Variants in KCNAB1 observed in about 807,000 individuals in gnomAD.
KCNAB1 encodes the protein potassium voltage-gated channel subfamily A regulatory beta subunit 1.
KCNAB1 carries 35 observed loss-of-function variants against 64.6 expected under a neutral mutation model. The ratio of observed to expected loss-of-function variants is 0.54; its 90% CI spans 0.41 to 0.72. The LOEUF is 0.72. KCNAB1 is among the 30% of genes least tolerant of loss of function. The probability of loss-of-function intolerance (pLI) is 0.00; values close to 1 mark genes in which losing one functional copy is unlikely to be tolerated. For missense variants in KCNAB1, 401 were observed against 512.9 expected, an observed-to-expected ratio of 0.78 and a Z score of 2.11; for synonymous variants, 177 against 183.8, an observed-to-expected ratio of 0.96 and a Z score of 0.30.
chr3:156,132,970 A>C (rs1560101268), intron 1 of KCNAB1, among the ~76,000 whole-genome samples: 1 of 152,262 alleles, frequency 6.6e-6, no homozygotes, highest in African/African-American at 2.4e-5. Context: ...GGAGAATAAT[A>C]GGTTAAGAAA....
chr3:156,154,278 CCTT>C (rs1715587799), intron 1 of KCNAB1, among the ~76,000 whole-genome samples: 1 of 152,170 alleles, frequency 6.6e-6, no homozygotes, highest in African/African-American at 2.4e-5. Context: ...ATGGGCCTCT[CCTT>C]CTCCACTCCT....
At chr3:156,224,615 T>C (rs1716033187) in intron 1 of KCNAB1, among the ~76,000 whole-genome samples, 1 of 151,936 alleles carries the variant, frequency 6.6e-6, no homozygotes, top group South Asian at 2.1e-4. Context: ...ACAATGTAAA[T>C]ACAAAAGATA....
intron 1 of KCNAB1, among the ~76,000 whole-genome samples, chr3:156,334,343 A>C (rs1723539583): frequency 6.6e-6 from 1 of 152,204 alleles, no homozygotes; most frequent in Admixed American, 6.5e-5. Context: ...TTTTTGACAA[A>C]TGAATGTGTT....
chr3:156,223,300 G>T (rs1443314145), intron 1 of KCNAB1, among the ~76,000 whole-genome samples: 1 of 152,188 alleles, frequency 6.6e-6, no homozygotes, highest in African/African-American at 2.4e-5. Flanking sequence ...GTGTGGAAGG[G>T]GACCCAAGCA....
At chr3:156,479,591 CT>C (rs1714638866) in intron 8 of KCNAB1, among the ~76,000 whole-genome samples, 1 of 152,132 alleles carries the variant, frequency 6.6e-6, no homozygotes, top group Admixed American at 6.6e-5. Flanking sequence ...GACACACTAA[CT>C]TTTCGATCTG....
In KCNAB1 at chr3:156,537,214, A is replaced by C; in HGVS notation, c.*467A>C. On this transcript the variant is annotated 3_prime_UTR_variant, in exon 14 of 14. Coordinates refer to ENST00000490337, the MANE Select transcript of KCNAB1 (RefSeq NM_172160.3). ...TAGTAAATAGATTATTGTTAAGTAAATAGTTATTAAAAATATATCTCACTG... is the reference window on the plus strand; with the variant it reads ...TAGTAAATAGATTATTGTTAAGTAACTAGTTATTAAAAATATATCTCACTG... 1 of 388,878 alleles carries C rather than the reference A, an allele frequency of 2.6e-6. No individual in the cohort carries two copies. The highest frequency in any genetic ancestry group is 3.6e-5 in the East Asian group (1 of 27,558). The allele number at this position is 388,878 out of a possible 1,614,324, so 24.1% of individuals were successfully genotyped here.
chr3:156,447,989 A>G (rs1050018439), intron 2 of KCNAB1, among the ~76,000 whole-genome samples: 2 of 152,214 alleles, frequency 1.3e-5, no homozygotes, highest in Non-Finnish European at 2.9e-5. Context: ...TAATCACCAA[A>G]CGATAATGAG....
chr3:156,422,656 T>C (rs540123325), intron 2 of KCNAB1, among the ~76,000 whole-genome samples: 4 of 152,176 alleles, frequency 2.6e-5, no homozygotes, highest in Non-Finnish European at 5.9e-5. Flanking sequence ...AGTATGCAAA[T>C]AGACTTATGA....
intron 8 of KCNAB1, among the ~76,000 whole-genome samples, chr3:156,496,596 A>G (rs1414603453): frequency 6.6e-6 from 1 of 152,232 alleles, no homozygotes; most frequent in African/African-American, 2.4e-5. Flanking sequence ...AGACTAATAC[A>G]TATGGTATAG....
Position 156,337,935 on chromosome 3 carries a change from A to G in KCNAB1, c.276-83681A>G, listed in dbSNP as rs911136632. Among the ~76,000 whole-genome samples, 4 of 152,240 alleles carry G rather than the reference A, an allele frequency of 2.6e-5. No homozygotes were observed. The East Asian group carries it at 7.7e-4, about 29-fold the overall frequency. ...ATTTCTCTGTTCCAAACACTGCAGT[A>G]TGAACTAATAGCAGATCCTATTGTT... On this transcript the variant is annotated intron_variant, in intron 1 of 13. Coordinates refer to ENST00000490337, the MANE Select transcript of KCNAB1 (RefSeq NM_172160.3).
intron 1 of KCNAB1, among the ~76,000 whole-genome samples, chr3:156,334,031 A>G (rs1179686677): frequency 6.6e-6 from 1 of 152,182 alleles, no homozygotes; most frequent in Non-Finnish European, 1.5e-5. Context: ...ATTCAAATGT[A>G]TTCGGTTTTT....
chr3:156,260,790 T>G (rs1360747650), intron 1 of KCNAB1, among the ~76,000 whole-genome samples: 1 of 152,250 alleles, frequency 6.6e-6, no homozygotes, highest in Non-Finnish European at 1.5e-5. Flanking sequence ...TTGAATGATA[T>G]ACTTGTATTT....
At chr3:156,496,281 G>A (rs1685677732) in intron 8 of KCNAB1, among the ~76,000 whole-genome samples, 3 of 152,120 alleles carry the variant, frequency 2.0e-5, no homozygotes, top group Admixed American at 2.0e-4. Flanking sequence ...TTGAATTGTA[G>A]CTCCCATAAT....
At chr3:156,406,885 ACAAGGTGATGC>A (rs1482640965) in intron 1 of KCNAB1, among the ~76,000 whole-genome samples, 1 of 152,200 alleles carries the variant, frequency 6.6e-6, no homozygotes, top group Non-Finnish European at 1.5e-5. Context: ...GAGCTGTACA[ACAAGGTGATGC>A]CTAGGTTCCA....
intron 1 of KCNAB1, among the ~76,000 whole-genome samples, chr3:156,272,288 A>C (rs1327395141): frequency 6.6e-6 from 1 of 152,172 alleles, no homozygotes; most frequent in Non-Finnish European, 1.5e-5. Context: ...CCTTCCTTTC[A>C]GGGTGGTGGC....
At chr3:156,389,631 A>G (rs908409497) in intron 1 of KCNAB1, among the ~76,000 whole-genome samples, 1 of 152,186 alleles carries the variant, frequency 6.6e-6, no homozygotes, top group Admixed American at 6.5e-5. Context: ...AAATACTGGG[A>G]TTGATGCCCA....
At chr3:156,463,920 T>G (rs1713143768) in intron 6 of KCNAB1, among the ~76,000 whole-genome samples, 174 bp downstream of exon 6, 1 of 152,160 alleles carries the variant, frequency 6.6e-6, no homozygotes, top group African/African-American at 2.4e-5. Flanking sequence ...AAGATTTCAT[T>G]TTAGCAAGGT....
At chr3:156,293,977 T>C (rs1720624945) in intron 1 of KCNAB1, among the ~76,000 whole-genome samples, 1 of 152,240 alleles carries the variant, frequency 6.6e-6, no homozygotes, top group Admixed American at 6.5e-5. Context: ...TCTAGTACTT[T>C]CGCAGCACTA....
intron 1 of KCNAB1, among the ~76,000 whole-genome samples, chr3:156,245,875 A>G (rs756198128): frequency 2.3e-4 from 35 of 152,330 alleles, no homozygotes; most frequent in Middle Eastern, 3.4e-3. Flanking sequence ...AGAAAAGAGA[A>G]TAAACAGACT....
Sources: allele counts gnomAD v4.1 joint callset (sites outside exome capture counted in the v4.1 genomes callset), GRCh38; gene constraint gnomAD v4.1.1; transcripts MANE v1.5; gene names NCBI Gene and HGNC (gene_info 2026-07-23, HGNC 2026-07-21).